The following C17orf99 variants were observed in gnomAD, a reference collection of about 807,000 sequenced individuals.
C17orf99 encodes the protein protein IL-40.
Under a neutral mutation model 22.6 loss-of-function variants are expected in C17orf99, and 18 were observed. The observed-to-expected ratio is 0.80, with a 90% CI of 0.55 to 1.18. The LOEUF (loss-of-function observed/expected upper bound fraction) is 1.18, where lower values mean the gene tolerates loss of function less well. C17orf99 is among the 50% of genes most tolerant of loss of function. The pLI is 0.00. For synonymous variants in C17orf99, 147 were observed against 136.6 expected (o/e 1.08, Z -0.53); for missense variants, 328 against 342.7 (o/e 0.96, Z 0.34).
rs781226810 is a variant in C17orf99 at position 78,165,984 on chromosome 17, G to A, written c.736G>A (p.Glu246Lys). The A allele has an allele frequency of 7.3e-6, 11 of 1,500,870 alleles. No homozygotes were observed. The South Asian group carries it at 1.2e-4, about 16-fold the overall frequency. 93.0% of individuals were successfully genotyped at this position (1,500,870 alleles called of 1,614,324 possible). ...GAGCACCCGCCGTCTGAGTGAAGAG[G>A]AGTTTGGGGGGTTCAGGATAGGGAA... ...YRSTRRLSEE[E>K]FGGFRIGNGE... is the part of the protein sequence containing the mutation. The change falls in exon 5 of 5, where the codon GAG (glutamate) becomes AAG (lysine). Residue 246 changes from glutamate (E) to lysine (K), a missense_variant. Transcript: ENST00000340363.
intron 4 of C17orf99, chr17:78,164,697 G>A (rs1196219496): frequency 7.2e-7 from 1 of 1,384,448 alleles, no homozygotes; most frequent in Non-Finnish European, 9.5e-7. Context: ...GGAGGAGGGA[G>A]AGCTGCTGAT....
chr17:78,146,472 GGCT>G lies in C17orf99; in HGVS notation c.37+36_37+38del, dbSNP rs1457888714. 4.5e-6 allele frequency: 7 copies of G among 1,547,216 alleles called. No individual in the cohort carries two copies. The highest frequency in any genetic ancestry group is 5.2e-6 in the Non-Finnish European group (6 of 1,145,428). ...GAGTCCACCAGGGACGTGATGGTGG[GGCT>G]GCTGCTGGGGCCTTGAGGTCTTGGG... On this transcript the variant is annotated intron_variant, in intron 1 of 4. Coordinates refer to ENST00000340363, the MANE Select transcript of C17orf99 (RefSeq NM_001163075.2). The surrounding 1 kb of genome is among the most constrained non-coding windows in gnomAD (Gnocchi z 5.2).
chr17:78,159,549 G>A (rs2075555893), intron 2 of C17orf99, among the ~76,000 whole-genome samples: 1 of 147,244 alleles, frequency 6.8e-6, no homozygotes, highest in African/African-American at 2.6e-5. Flanking sequence ...TGAGGCACGA[G>A]AATCTCTTGA....
intron 2 of C17orf99, among the ~76,000 whole-genome samples, chr17:78,152,596 A>G (rs1242845808): frequency 1.3e-5 from 2 of 151,630 alleles, no homozygotes; most frequent in Admixed American, 6.6e-5. Context: ...TGACCTCCCA[A>G]AGTGTTAGGA....
chr17:78,159,563 C>T (rs1263226405), intron 2 of C17orf99, among the ~76,000 whole-genome samples: 2 of 144,310 alleles, frequency 1.4e-5, no homozygotes, highest in African/African-American at 2.7e-5. Context: ...CTCTTGAACA[C>T]GGGAGGCGAC....
chr17:78,157,868 G>T, intron 2 of C17orf99: 2 of 1,062,654 alleles, frequency 1.9e-6, no homozygotes, highest in Non-Finnish European at 2.8e-6. Context: ...TAAGATCGTC[G>T]AGATGTCTAC....
Position 78,166,072 on chromosome 17 carries a change from C to T in C17orf99, c.*26C>T, listed in dbSNP as rs375303408. 474 of 919,290 alleles carry T rather than the reference C, an allele frequency of 5.2e-4. 3 individuals carry two copies. Among genetic ancestry groups the T allele is most frequent in the Middle Eastern group, 1.9e-3 (5 of 2,630 alleles). The allele number at this position is 919,290 out of a possible 1,614,324, so 56.9% of individuals were successfully genotyped here. A position where few individuals can be genotyped will look rare whatever the true frequency, so the allele number is the denominator to read the frequency against. On this transcript the variant is annotated 3_prime_UTR_variant, in exon 5 of 5. Transcript: ENST00000340363. ...AATGAACCGTCCAGAGAGCCAAGCA[C>T]GGCAGAGGACTGCAGGCCATCAGCG...
At chr17:78,149,331 CAAAAAAAAAAAAAAAAA>C (rs35155993) in intron 2 of C17orf99, among the ~76,000 whole-genome samples, 1 of 40,990 alleles carries the variant, frequency 2.4e-5, no homozygotes, top group Non-Finnish European at 5.1e-5. Flanking sequence ...GACTCTGCCT[CAAAAAAAAAAAAAAAAA>C]AAAAAAAAAA....
chr17:78,163,685 G>A (rs2145802514), intron 3 of C17orf99, among the ~76,000 whole-genome samples: 1 of 152,252 alleles, frequency 6.6e-6, no homozygotes. Flanking sequence ...GGCCAACATG[G>A]TGAAACCCCA....
chr17:78,162,945 C>T (rs914000391), intron 3 of C17orf99, among the ~76,000 whole-genome samples: 3 of 152,104 alleles, frequency 2.0e-5, no homozygotes, highest in East Asian at 3.9e-4. Context: ...GCCCCCATGC[C>T]GGCTAATTTT....
At chr17:78,157,353 C>T (rs1254066516) in intron 2 of C17orf99, 2 of 913,406 alleles carry the variant, frequency 2.2e-6, no homozygotes, top group Non-Finnish European at 3.1e-6. Context: ...CGGCGGTGGG[C>T]TCGGAGGCTC....
intron 2 of C17orf99, among the ~76,000 whole-genome samples, chr17:78,154,118 G>T (rs2075507424): frequency 6.6e-6 from 1 of 151,586 alleles, no homozygotes; most frequent in East Asian, 2.0e-4. Context: ...TAGAGACAGG[G>T]TTTCACCATG....
intron 2 of C17orf99, chr17:78,159,944 A>G: frequency 2.4e-6 from 1 of 415,754 alleles, no homozygotes; most frequent in Non-Finnish European, 4.8e-6. Context: ...TGGATCAACC[A>G]CATTCTATTT....
intron 2 of C17orf99, among the ~76,000 whole-genome samples, chr17:78,151,125 A>G (rs1419144164): frequency 2.0e-5 from 3 of 150,210 alleles, no homozygotes; most frequent in Non-Finnish European, 4.4e-5. Flanking sequence ...TCTGTCTCAC[A>G]AAAACAAAAA....
intron 2 of C17orf99, among the ~76,000 whole-genome samples, chr17:78,156,104 C>T (rs1391178330): frequency 2.0e-5 from 3 of 151,030 alleles, no homozygotes; most frequent in East Asian, 2.0e-4. Flanking sequence ...CCCAGGCAGG[C>T]GGATCACCTG....
chr17:78,165,113 T>C (rs935324866), intron 4 of C17orf99: 3 of 1,042,928 alleles, frequency 2.9e-6, no homozygotes, highest in Non-Finnish European at 3.5e-6. Flanking sequence ...TCCAAGGCCA[T>C]GGCTTTACTA....
chr17:78,148,257 T>C (rs547678771), intron 2 of C17orf99, among the ~76,000 whole-genome samples: 1 of 150,996 alleles, frequency 6.6e-6, no homozygotes, highest in Non-Finnish European at 1.5e-5. Flanking sequence ...CTCAGCTTAC[T>C]GCAACCTCTG....
intron 2 of C17orf99, among the ~76,000 whole-genome samples, chr17:78,155,433 C>T (rs950954590): frequency 2.0e-5 from 3 of 152,006 alleles, no homozygotes; most frequent in African/African-American, 7.3e-5. Flanking sequence ...TCTTTCTACC[C>T]CTCCCCCAAG....
intron 2 of C17orf99, among the ~76,000 whole-genome samples, chr17:78,156,350 AAAAAG>A (rs1219975676): frequency 2.0e-5 from 3 of 151,576 alleles, no homozygotes; most frequent in Admixed American, 2.0e-4. Flanking sequence ...AAAAAAAAAA[AAAAAG>A]AATCAGCAAA....
Sources: gnomAD v4.1 joint callset for allele counts (sites outside exome capture counted in the v4.1 genomes callset) on GRCh38, gnomAD v4.1.1 for gene constraint, Gnocchi (gnomAD v3.1) non-coding constraint, MANE v1.5 for transcripts, NCBI Gene and HGNC (gene_info 2026-07-23, HGNC 2026-07-21) for gene names.